Variants in RAB3GAP1 observed in about 807,000 individuals in gnomAD.
The protein encoded by RAB3GAP1 is RAB3 GTPase activating protein catalytic subunit 1.
In RAB3GAP1, 86 loss-of-function variants were observed where a neutral mutation model predicts 130.7. That is an observed-to-expected ratio of 0.66 (90% CI 0.55 to 0.79). The LOEUF (loss-of-function observed/expected upper bound fraction) is 0.79. RAB3GAP1 is among the 30% of genes least tolerant of loss of function. The probability of loss-of-function intolerance (pLI) is 0.00; values close to 1 mark genes in which losing one functional copy is unlikely to be tolerated. For missense variants in RAB3GAP1, 1,029 were observed against 1,169.4 expected (o/e 0.88, Z 1.75); for synonymous variants, 367 against 401.7 (o/e 0.91, Z 1.03).
At position 135,163,113 on chromosome 2, in the gene RAB3GAP1, T is replaced by G. The variant is rs1247256082; in HGVS notation, c.2606+12T>G. On this transcript the variant is annotated intron_variant, in intron 22 of 23. Transcript: ENST00000264158. ...GAAGATCTTGAAAGGTAATTGCTAT[T>G]TGGCTAATTCAGTTTTGTCTGCAGT... 1 of 1,593,450 alleles carries G rather than the reference T, an allele frequency of 6.3e-7. No individual in the cohort carries two copies. Among genetic ancestry groups the G allele is most frequent in the Non-Finnish European group, 8.6e-7 (1 of 1,161,248 alleles).
chr2:135,166,235 ATTG>A (rs1433265596), intron 23 of RAB3GAP1, among the ~76,000 whole-genome samples: 1 of 152,138 alleles, frequency 6.6e-6, no homozygotes, highest in Non-Finnish European at 1.5e-5. Context: ...TAGTCCTGAG[ATTG>A]TTACTTATTT....
Position 135,115,379 on chromosome 2 carries a change from A to C in RAB3GAP1, c.646A>C (p.Ile216Leu). Residue 216 changes from isoleucine to leucine, a missense_variant and splice_region_variant, in exon 7 of 24, where the codon ATT (isoleucine) becomes CTT (leucine). Ile to Leu is a conservative substitution (Grantham distance 5). Around this residue, in one of 3 missense-constraint regions of RAB3GAP1, gnomAD observed 510 missense variants for 532.1 expected, o/e 0.96. Transcript: ENST00000264158. ...SGLLDIFKSK[I>L]GCPLTPLPPV... ...TCTGCTGGATATCTTCAAATCAAAG[A>C]TTGTGAGTTGGGATTGATATTGTCA... is the stretch of plus-strand genomic sequence containing the variant. The C allele has an allele frequency of 1.2e-6, 2 of 1,609,124 alleles. No individual in the cohort carries two copies. Among genetic ancestry groups the C allele is most frequent in the Non-Finnish European group, 1.7e-6 (2 of 1,175,758 alleles).
At chr2:135,081,327 AATATATATATATAT>A (rs1214688390) in intron 3 of RAB3GAP1, among the ~76,000 whole-genome samples, 65 of 64,042 alleles carry the variant, frequency 1.0e-3, no homozygotes, top group Middle Eastern at 0.02. Flanking sequence ...AAAAAAAAAA[AATATATATATATAT>A]ATATATATAT....
chr2:135,147,624 C>CCCCTT (rs1553448281), intron 17 of RAB3GAP1, among the ~76,000 whole-genome samples: 1 of 142,722 alleles, frequency 7.0e-6, no homozygotes, highest in African/African-American at 2.6e-5. Flanking sequence ...CTCCCCCCCC[C>CCCCTT]TTTTTTTTTT....
At chr2:135,158,938 C>G (rs1692391610) in intron 19 of RAB3GAP1, among the ~76,000 whole-genome samples, 1 of 152,204 alleles carries the variant, frequency 6.6e-6, no homozygotes, top group East Asian at 1.9e-4. Flanking sequence ...GAGGAACATT[C>G]TATTTTAAAA....
At chr2:135,152,511 G>A (rs1692204332) in intron 18 of RAB3GAP1, among the ~76,000 whole-genome samples, 1 of 152,154 alleles carries the variant, frequency 6.6e-6, no homozygotes, top group Non-Finnish European at 1.5e-5. Context: ...TTTCATGTGG[G>A]TATGATGTTA....
chr2:135,165,998 C>G (rs567864085), intron 23 of RAB3GAP1, among the ~76,000 whole-genome samples: 4 of 152,042 alleles, frequency 2.6e-5, no homozygotes, highest in South Asian at 4.2e-4. Context: ...GTGGTGAAAC[C>G]CTTTCTCTAC....
chr2:135,126,275 A>G (rs946541261), intron 10 of RAB3GAP1, 26 bp downstream of exon 10: 4 of 1,554,424 alleles, frequency 2.6e-6, no homozygotes, highest in African/African-American at 2.7e-5. Context: ...GTAGTAGTAC[A>G]CTGAGATTAA....
intron 3 of RAB3GAP1, among the ~76,000 whole-genome samples, chr2:135,078,527 GAAT>G (rs892880082): frequency 2.6e-5 from 4 of 151,854 alleles, no homozygotes; most frequent in South Asian, 2.1e-4. Context: ...TCTGAATTCT[GAAT>G]AATGTTTATT....
rs1553447802 is a variant in RAB3GAP1, at chr2:135,141,228, C to CT, written c.1923+5312dup. On this transcript the variant is annotated intron_variant, in intron 17 of 23. Coordinates refer to ENST00000264158, the MANE Select transcript of RAB3GAP1 (RefSeq NM_012233.3). ...TTGTTGCTTATCTATTCACTTACTT[C>CT]TTTTTTTTTTTTTTTTGAGACAGTC... Among the ~76,000 whole-genome samples the CT allele has an allele frequency of 9.1e-3, 1,210 of 132,410 alleles. 25 individuals are homozygous for CT. Among genetic ancestry groups the CT allele is most frequent in the African/African-American group, 0.022 (794 of 35,960 alleles). The allele number at this position is 132,410 out of a possible 152,430, so 86.9% of individuals were successfully genotyped here.
intron 1 of RAB3GAP1, 31 bp downstream of exon 1, chr2:135,052,356 T>C: frequency 6.2e-7 from 1 of 1,614,172 alleles, no homozygotes; most frequent in South Asian, 1.1e-5. Context: ...TTAATCCTTG[T>C]CACTATCTAA....
chr2:135,085,758 T>C (rs779636665), intron 3 of RAB3GAP1, among the ~76,000 whole-genome samples: 14 of 152,240 alleles, frequency 9.2e-5, no homozygotes, highest in Non-Finnish European at 2.1e-4. Context: ...ATCTCATTTT[T>C]AAGGGATATT....
downstream of RAB3GAP1, among the ~76,000 whole-genome samples, chr2:135,174,844 A>G (rs1445577893): frequency 6.6e-6 from 1 of 152,146 alleles, no homozygotes; most frequent in Non-Finnish European, 1.5e-5. Context: ...CGACGGTGGG[A>G]GGCCCAGCCT....
chr2:135,171,658 T>A (rs924208816), downstream of RAB3GAP1, among the ~76,000 whole-genome samples: 3 of 152,194 alleles, frequency 2.0e-5, no homozygotes, highest in African/African-American at 4.8e-5. Context: ...AGCAAATGTT[T>A]ATTGAGTACC....
intron 3 of RAB3GAP1, among the ~76,000 whole-genome samples, chr2:135,081,528 T>G (rs929367445): frequency 6.6e-6 from 1 of 151,090 alleles, no homozygotes; most frequent in African/African-American, 2.4e-5. Context: ...TGCTGTCTTT[T>G]GGGATTATTG....
At chr2:135,067,455 GA>G (rs1178333756) in intron 3 of RAB3GAP1, among the ~76,000 whole-genome samples, 2 of 151,608 alleles carry the variant, frequency 1.3e-5, no homozygotes, top group Admixed American at 6.6e-5. Context: ...TTATGTAGAA[GA>G]AAAAAAATAG....
At chr2:135,119,844 A>C (rs1691144255) in intron 7 of RAB3GAP1, among the ~76,000 whole-genome samples, 1 of 152,242 alleles carries the variant, frequency 6.6e-6, no homozygotes, top group Admixed American at 6.5e-5. Context: ...GGTGATTCCT[A>C]TGCATATTTA....
At chr2:135,152,400 A>G (rs1271471653) in intron 18 of RAB3GAP1, among the ~76,000 whole-genome samples, 2 of 152,252 alleles carry the variant, frequency 1.3e-5, no homozygotes, top group East Asian at 1.9e-4. Flanking sequence ...GAATTTTGGT[A>G]TGAAATGCCT....
At chr2:135,147,773 C>T (rs1303849993) in intron 17 of RAB3GAP1, among the ~76,000 whole-genome samples, 2 of 151,992 alleles carry the variant, frequency 1.3e-5, no homozygotes, top group Non-Finnish European at 2.9e-5. Context: ...CGACCATGCC[C>T]AGCTACTTAT....
Sources: allele counts gnomAD v4.1 joint callset (sites outside exome capture counted in the v4.1 genomes callset), GRCh38; gene constraint gnomAD v4.1.1; regional missense constraint gnomAD v4.1.1; transcripts MANE v1.5; gene names NCBI Gene and HGNC (gene_info 2026-07-23, HGNC 2026-07-21).